SORCS1: variants seen among roughly 807,000 people sequenced by gnomAD.
The protein encoded by SORCS1 is sortilin related VPS10 domain containing receptor 1, also known as VPS10 domain-containing receptor SorCS1.
SORCS1 carries 60 observed loss-of-function variants against 146.1 expected under a neutral mutation model. The observed-to-expected ratio is 0.41, with a 90% confidence interval of 0.33 to 0.51. SORCS1 has a LOEUF of 0.51. Among genes scored for constraint, SORCS1 ranks in the 20% least tolerant of loss-of-function variants. SORCS1 has a pLI of 0.21. For synonymous variants in SORCS1, 637 were observed against 584.0 expected, an observed-to-expected ratio of 1.09 and a Z score of -1.31; for missense variants, 1,352 against 1,487.6, an observed-to-expected ratio of 0.91 and a Z score of 1.50.
At chr10:106,749,274 G>A (rs979733422) in intron 5 of SORCS1, among the ~76,000 whole-genome samples, 3 of 152,188 alleles carry the variant, frequency 2.0e-5, no homozygotes, top group Non-Finnish European at 2.9e-5. Flanking sequence ...CAGATGTCCC[G>A]ACAGGTTCTA....
chr10:106,932,509 CCCA>C (rs1953472146), intron 2 of SORCS1, among the ~76,000 whole-genome samples: 1 of 152,164 alleles, frequency 6.6e-6, no homozygotes, highest in African/African-American at 2.4e-5. Flanking sequence ...CTCCCCAGTT[CCCA>C]CCACATGTGT....
At chr10:107,167,150 G>A (rs1458470148), upstream of SORCS1, among the ~76,000 whole-genome samples, 1 of 152,256 alleles carries the variant, frequency 6.6e-6, no homozygotes, top group Non-Finnish European at 1.5e-5. Flanking sequence ...GCTGCAAGCC[G>A]TATTGTTCAT....
chr10:107,129,900 T>G (rs1348441913), intron 1 of SORCS1, among the ~76,000 whole-genome samples: 1 of 152,204 alleles, frequency 6.6e-6, no homozygotes, highest in Admixed American at 6.5e-5. Context: ...TTTGCTCAAG[T>G]GGGAGTTTCT....
At chr10:107,049,811 G>A (rs72812912) in intron 1 of SORCS1, among the ~76,000 whole-genome samples, 1,627 of 152,254 alleles carry the variant, frequency 0.011, 15 homozygotes, top group South Asian at 0.029. Flanking sequence ...ATTACAAGAG[G>A]CTAAAGATGA....
chr10:107,088,502 G>A (rs1414404346), intron 1 of SORCS1, among the ~76,000 whole-genome samples: 2 of 152,142 alleles, frequency 1.3e-5, no homozygotes, highest in Non-Finnish European at 2.9e-5. Flanking sequence ...CTATTCTAGA[G>A]TATTTCCAGT....
intron 6 of SORCS1, among the ~76,000 whole-genome samples, chr10:106,717,875 G>A (rs902559513): frequency 6.6e-6 from 1 of 152,206 alleles, no homozygotes; most frequent in Non-Finnish European, 1.5e-5. Flanking sequence ...CCTCTGCACA[G>A]ATGTTTTACT....
chr10:106,767,892 T>G (rs1859700489), intron 4 of SORCS1, among the ~76,000 whole-genome samples: 1 of 152,212 alleles, frequency 6.6e-6, no homozygotes, highest in Non-Finnish European at 1.5e-5. Context: ...CCTACAAAAC[T>G]ATTAAATAGC....
At chr10:106,579,581 C>T in intron 24 of SORCS1, 107 bp from the exon 25 acceptor site, 8 of 1,149,822 alleles carry the variant, frequency 7.0e-6, no homozygotes, top group Non-Finnish European at 1.0e-5. Context: ...TCCTGGAAAA[C>T]CATGTGGGAT....
chr10:107,033,059 T>C (rs1201325864), intron 1 of SORCS1, among the ~76,000 whole-genome samples: 2 of 152,208 alleles, frequency 1.3e-5, no homozygotes, highest in African/African-American at 2.4e-5. Context: ...AGAGGCTTCA[T>C]TGACTCACAG....
At chr10:106,789,464 C>T (rs890649162) in intron 3 of SORCS1, among the ~76,000 whole-genome samples, 1 of 152,178 alleles carries the variant, frequency 6.6e-6, no homozygotes. Context: ...GCCAGATACC[C>T]TAAATCATCT....
chr10:107,097,867 T>A (rs920345872), intron 1 of SORCS1, among the ~76,000 whole-genome samples: 1 of 152,216 alleles, frequency 6.6e-6, no homozygotes, highest in Non-Finnish European at 1.5e-5. Flanking sequence ...CCATCTCTTT[T>A]CTGCCAGAAT....
chr10:106,757,290 A>G (rs1423106099), intron 5 of SORCS1, among the ~76,000 whole-genome samples: 1 of 152,110 alleles, frequency 6.6e-6, no homozygotes, highest in Non-Finnish European at 1.5e-5. Flanking sequence ...CTATGTTATT[A>G]CCCATGGTAA....
At chr10:107,057,594 C>T (rs1398645512) in intron 1 of SORCS1, among the ~76,000 whole-genome samples, 2 of 152,118 alleles carry the variant, frequency 1.3e-5, no homozygotes, top group Non-Finnish European at 2.9e-5. Flanking sequence ...TGGGTCTCCT[C>T]TCTCTTCTGT....
chr10:107,170,012 C>T, the SORCS1 span, among the ~76,000 whole-genome samples: 1 of 151,924 alleles, frequency 6.6e-6, no homozygotes, highest in Non-Finnish European at 1.5e-5. Context: ...AATATTCATA[C>T]TTAAAGTGAA....
intron 2 of SORCS1, 84 bp from the exon 3 acceptor site, chr10:106,829,757 G>T: frequency 1.0e-6 from 1 of 963,394 alleles, no homozygotes; most frequent in Middle Eastern, 2.8e-4. Context: ...TTACACAGTA[G>T]AATGGCTCTC....
chr10:107,119,593 T>C lies in SORCS1; in HGVS notation c.558+44376A>G, dbSNP rs553495631. Among the ~76,000 whole-genome samples the C allele has an allele frequency of 3.9e-5, 6 of 152,302 alleles. No individual in the cohort carries two copies. The South Asian group carries it at 1.2e-3, about 32-fold the overall frequency. ...ATATGCAGTGTTGATGAGATAATCA[T>C]ATTAAATAATCCAAGAAAATCTTTG... is the stretch of plus-strand genomic sequence containing the variant. On this transcript the variant is annotated intron_variant, in intron 1 of 25. Coordinates refer to ENST00000263054, the MANE Select transcript of SORCS1 (RefSeq NM_052918.5).
chr10:107,074,404 C>T (rs967955583), intron 1 of SORCS1, among the ~76,000 whole-genome samples: 11 of 152,138 alleles, frequency 7.2e-5, no homozygotes, highest in African/African-American at 2.7e-4. Context: ...AGTAATACTC[C>T]ATTTTCTGGA....
At chr10:106,997,020 A>C (rs1957031524) in intron 1 of SORCS1, among the ~76,000 whole-genome samples, 1 of 150,176 alleles carries the variant, frequency 6.7e-6, no homozygotes, top group African/African-American at 2.4e-5. Context: ...ACTGCATAAC[A>C]TTCTCTTTAA....
chr10:106,625,200 CTGTG>C (rs3044907), intron 19 of SORCS1, among the ~76,000 whole-genome samples: 8,606 of 139,976 alleles, frequency 0.061, 413 homozygotes, highest in African/African-American at 0.14. Flanking sequence ...TTGTGTGATT[CTGTG>C]TGTGTGTGTG....
Sources: allele counts gnomAD v4.1 joint callset (sites outside exome capture counted in the v4.1 genomes callset), GRCh38; gene constraint gnomAD v4.1.1; transcripts MANE v1.5; gene names NCBI Gene and HGNC (gene_info 2026-07-23, HGNC 2026-07-21).